DYNC1H1: variants seen among roughly 807,000 people sequenced by gnomAD.
The protein encoded by DYNC1H1 is cytoplasmic dynein 1 heavy chain 1.
In DYNC1H1, 51 loss-of-function variants were observed where a neutral mutation model predicts 527.1. That is an observed-to-expected ratio of 0.10 (90% CI 0.08 to 0.12). DYNC1H1 has a LOEUF of 0.12. DYNC1H1 is among the 10% of genes least tolerant of loss of function. The pLI is 1.00. For missense variants in DYNC1H1, 2,771 were observed against 5,971.8 expected (o/e 0.46, Z 17.66); for synonymous variants, 2,189 against 2,278.8 (o/e 0.96, Z 1.12).
rs780592916 is a variant in DYNC1H1, at chr14:102,004,977, T to G, written c.5238+27T>G. On this transcript the variant is annotated intron_variant, in intron 25 of 77. Coordinates refer to ENST00000360184, the MANE Select transcript of DYNC1H1 (RefSeq NM_001376.5). ...TAATCTATAGTAGAAGTGAGTGGGCTCGTGGTGAAAACGCAGACCAATCTT... is the reference window on the plus strand; with the variant it reads ...TAATCTATAGTAGAAGTGAGTGGGCGCGTGGTGAAAACGCAGACCAATCTT... 11 of 1,614,228 alleles carry G rather than the reference T, an allele frequency of 6.8e-6. No homozygotes were observed. In the South Asian group the frequency reaches 1.2e-4, roughly 18 times the overall value.
intron 42 of DYNC1H1, among the ~76,000 whole-genome samples, chr14:102,022,531 TGTAAGTAA>T (rs779727528): frequency 6.7e-6 from 1 of 149,830 alleles, no homozygotes; most frequent in Non-Finnish European, 1.5e-5. Context: ...AGTGAGACTC[TGTAAGTAA>T]GTAAGTAAAT....
intron 27 of DYNC1H1, 50 bp from the exon 28 acceptor site, chr14:102,006,957 GT>G (rs1342169888): frequency 6.3e-7 from 1 of 1,580,700 alleles, no homozygotes; most frequent in Non-Finnish European, 8.7e-7. Flanking sequence ...CTAAAGATAT[GT>G]TTTCAGTTAG....
intron 73 of DYNC1H1, 73 bp from the exon 74 acceptor site, chr14:102,048,443 T>TA: frequency 6.2e-7 from 1 of 1,603,880 alleles, no homozygotes; most frequent in South Asian, 1.1e-5. Context: ...GAGGCCGAGT[T>TA]ACTTCTGTTT....
chr14:101,980,453 C>G lies in DYNC1H1; in HGVS notation c.864C>G (p.Ile288Met). 6.2e-7 allele frequency: 1 copy of G among 1,614,186 alleles called. No individual in the cohort carries two copies. Among genetic ancestry groups the G allele is most frequent in the Non-Finnish European group, 8.5e-7 (1 of 1,180,042 alleles). The change falls in exon 5 of 78, where the codon ATC (isoleucine) becomes ATG (methionine). Residue 288 changes from isoleucine to methionine, a missense_variant. This residue lies in a region of DYNC1H1 where 146 missense variants were observed against 288.1 expected (regional missense o/e 0.51). Transcript: ENST00000360184. ...ACTTGGAACGTGCGTTATACCGCAT[C>G]CAGGAGAAACGGGAGAGCCCGGAAG... ...WLNLERALYR[I>M]QEKRESPEVL...
chr14:102,047,550 T>C (rs562435916), intron 72 of DYNC1H1: 90 of 223,174 alleles, frequency 4.0e-4, no homozygotes, highest in African/African-American at 7.6e-4. Context: ...AATATATATA[T>C]ACACACACAC....
Position 102,029,458 on chromosome 14 carries a change from T to A in DYNC1H1, c.9469-81T>A. 1.3e-5 allele frequency: 21 copies of A among 1,577,150 alleles called. No individual in the cohort carries two copies. The highest frequency in any genetic ancestry group is 2.3e-5 in the East Asian group (1 of 42,560). ...GGCTCCTTCTATCATGTCACACCCA[T>A]CTGCCAAGGCCAAAATTGTTTTCTG... On this transcript the variant is annotated intron_variant, in intron 48 of 77. Coordinates refer to ENST00000360184, the MANE Select transcript of DYNC1H1 (RefSeq NM_001376.5). This position sits in a 1 kb window ranked among gnomAD's most constrained non-coding sequence, Gnocchi z 5.3.
At chr14:101,996,558 G>T (rs1567003684) in intron 15 of DYNC1H1, among the ~76,000 whole-genome samples, 1 of 152,200 alleles carries the variant, frequency 6.6e-6, no homozygotes, top group South Asian at 2.1e-4. Context: ...CTCAGAGGAT[G>T]TTGCCCTCTG....
In DYNC1H1 at chr14:102,048,583, A is replaced by G. The variant is rs763724110; in HGVS notation, c.13286A>G (p.Gln4429Arg). ...GCAAAGCTGCTTCAGGACGTTCGCCAGGACCTTGCAGATGTCGTCCAGGTG... is the reference window on the plus strand; with the variant it reads ...GCAAAGCTGCTTCAGGACGTTCGCCGGGACCTTGCAGATGTCGTCCAGGTG... Reference protein sequence around the residue: ...MGAKLLQDVRQDLADVVQVCE... With the variant: ...MGAKLLQDVRRDLADVVQVCE... The change falls in exon 74 of 78, where the codon CAG (glutamine) becomes CGG (arginine). Residue 4429 changes from glutamine (Q) to arginine (R), a missense_variant. Around this residue, in one of 32 missense-constraint regions of DYNC1H1, gnomAD observed 170 missense variants for 249.8 expected, o/e 0.68. Transcript: ENST00000360184. 1.2e-5 allele frequency: 19 copies of G among 1,614,146 alleles called. No individual in the cohort carries two copies. The highest frequency in any genetic ancestry group is 1.5e-5 in the Non-Finnish European group (18 of 1,180,060).
At position 102,016,792 on chromosome 14, in the gene DYNC1H1, G is replaced by A. The variant is rs772906918; in HGVS notation, c.7641G>A (p.Pro2547=). ...TGTCCATCAGCGGAGAATGGTCTCC[G>A]TGGCAGGCCAAGGTGCCTCAGATTG... ...YEVSISGEWS[P]WQAKVPQIEV... is the part of the protein sequence containing the mutation. The change falls in exon 38 of 78, where the codon CCG becomes CCA. Residue 2547 remains proline (P), a synonymous_variant. Coordinates refer to ENST00000360184, the MANE Select transcript of DYNC1H1 (RefSeq NM_001376.5). The surrounding 1 kb of genome is among the most constrained non-coding windows in gnomAD (Gnocchi z 7.3). 6.8e-6 allele frequency: 11 copies of A among 1,613,746 alleles called. No individual in the cohort carries two copies. Among genetic ancestry groups the A allele is most frequent in the Admixed American group, 5.0e-5 (3 of 59,992 alleles).
At chr14:101,981,803 A>T (rs1374614682) in intron 5 of DYNC1H1, among the ~76,000 whole-genome samples, 1 of 152,226 alleles carries the variant, frequency 6.6e-6, no homozygotes, top group East Asian at 1.9e-4. Context: ...AAGAAAGTCA[A>T]TAAATAGATT....
chr14:102,029,421 C>A lies in DYNC1H1; in HGVS notation c.9469-118C>A. The stretch of plus-strand genomic sequence containing the variant: ...CTGAGGCCCGACTCGAGTGTTCTGG[C>A]CCCGAGGGCCAGGCTCCTTCTATCA... On this transcript the variant is annotated intron_variant, in intron 48 of 77. Coordinates refer to ENST00000360184, the MANE Select transcript of DYNC1H1 (RefSeq NM_001376.5). This position sits in a 1 kb window ranked among gnomAD's most constrained non-coding sequence, Gnocchi z 5.3. 7.3e-7 allele frequency: 1 copy of A among 1,376,162 alleles called. No homozygotes were observed. The highest frequency in any genetic ancestry group is 1.0e-6 in the Non-Finnish European group (1 of 988,450). The allele number at this position is 1,376,162 out of a possible 1,614,324, so 85.2% of individuals were successfully genotyped here.
At position 102,002,100 on chromosome 14, in the gene DYNC1H1, G is replaced by A. The variant is rs1170768786; in HGVS notation, c.4542+419G>A. ...TACTTGTTTTTTTGTTTGTTTGCTT[G>A]CTTTTTTGTTTTTTTTTTTTCTTTT... On this transcript the variant is annotated intron_variant, in intron 21 of 77. Coordinates refer to ENST00000360184, the MANE Select transcript of DYNC1H1 (RefSeq NM_001376.5). This position sits in a 1 kb window ranked among gnomAD's most constrained non-coding sequence, Gnocchi z 4.4. 6.7e-6 allele frequency among the ~76,000 whole-genome samples: 1 copy of A among 150,308 alleles called. No individual in the cohort carries two copies. The highest frequency in any genetic ancestry group is 1.5e-5 in the Non-Finnish European group (1 of 67,586).
chr14:102,021,859 C>T (rs1027404917), intron 42 of DYNC1H1, among the ~76,000 whole-genome samples: 3 of 151,934 alleles, frequency 2.0e-5, no homozygotes, highest in Non-Finnish European at 4.4e-5. Flanking sequence ...CAGGGTTTCA[C>T]CACATTGGCC....
In DYNC1H1 at chr14:102,041,954, CT is replaced by C; in HGVS notation, c.12103-57del. On this transcript the variant is annotated intron_variant, in intron 65 of 77. Coordinates refer to ENST00000360184, the MANE Select transcript of DYNC1H1 (RefSeq NM_001376.5). The surrounding 1 kb of genome is among the most constrained non-coding windows in gnomAD (Gnocchi z 4.5). ...CCCCTCACTCGGGGCTCTCCTTTCC[CT>C]TGACAGGTACACACTATTTGCTGGC... is the stretch of plus-strand genomic sequence containing the variant. The C allele has an allele frequency of 1.3e-6, 2 of 1,587,670 alleles. No homozygotes were observed. The highest frequency in any genetic ancestry group is 1.7e-6 in the Non-Finnish European group (2 of 1,157,610).
Position 102,005,976 on chromosome 14 carries a change from A to G in DYNC1H1, c.5522A>G (p.Gln1841Arg), listed in dbSNP as rs1247116985. 1 of 1,614,154 alleles carries G rather than the reference A, an allele frequency of 6.2e-7. No homozygotes were observed. The highest frequency in any genetic ancestry group is 8.5e-7 in the Non-Finnish European group (1 of 1,180,054). Residue 1841 changes from glutamine to arginine, a missense_variant, in exon 27 of 78, where the codon CAG (glutamine) becomes CGG (arginine). Physicochemically the swap from Gln to Arg is conservative, Grantham distance 43. Coordinates refer to ENST00000360184, the MANE Select transcript of DYNC1H1 (RefSeq NM_001376.5). The surrounding 1 kb of genome is among the most constrained non-coding windows in gnomAD (Gnocchi z 4.0). ...GCCAAATCTTTTGAATGGCTCAGCC[A>G]GATGCGATTTTACTTTGACCCTAAG... ...DNAKSFEWLS[Q>R]MRFYFDPKQT...
intron 10 of DYNC1H1, among the ~76,000 whole-genome samples, chr14:101,990,400 G>A (rs1555408573): frequency 6.6e-6 from 1 of 152,094 alleles, no homozygotes; most frequent in Non-Finnish European, 1.5e-5. Flanking sequence ...CAATCCCTGG[G>A]CACCAGGGAC....
Position 102,027,409 on chromosome 14 carries a change from C to T in DYNC1H1, c.8913C>T (p.Asp2971=). Reference sequence around the variant, plus strand: ...TCCATAGGAAGTACACAGGGGAAGACTTTGATGAAGATCTACGGACAGTGT... The same window carrying T: ...TCCATAGGAAGTACACAGGGGAAGATTTTGATGAAGATCTACGGACAGTGT... ...IKVHRKYTGE[D]FDEDLRTVLR... is the part of the protein sequence containing the mutation. The change falls in exon 46 of 78, where the codon GAC becomes GAT. Residue 2971 remains aspartate (D), a synonymous_variant. Coordinates refer to ENST00000360184, the MANE Select transcript of DYNC1H1 (RefSeq NM_001376.5). The surrounding 1 kb of genome is among the most constrained non-coding windows in gnomAD (Gnocchi z 7.7). 1.2e-6 allele frequency: 2 copies of T among 1,614,082 alleles called. No individual in the cohort carries two copies. The highest frequency in any genetic ancestry group is 1.7e-6 in the Non-Finnish European group (2 of 1,180,036).
rs757478380 is a variant in DYNC1H1, at chr14:102,001,708, C to A, written c.4542+27C>A. Reference sequence around the variant, plus strand: ...TGCTGTTGCTGGGGAAGCTTTCCCTCCCCACCAGTGGTCTCCCACGCTTTC... The same window carrying A: ...TGCTGTTGCTGGGGAAGCTTTCCCTACCCACCAGTGGTCTCCCACGCTTTC... On this transcript the variant is annotated intron_variant, in intron 21 of 77. Coordinates refer to ENST00000360184, the MANE Select transcript of DYNC1H1 (RefSeq NM_001376.5). The surrounding 1 kb of genome is among the most constrained non-coding windows in gnomAD (Gnocchi z 5.0). The A allele has an allele frequency of 5.8e-5, 93 of 1,613,344 alleles. No homozygotes were observed. Among genetic ancestry groups the A allele is most frequent in the Non-Finnish European group, 7.3e-5 (86 of 1,179,984 alleles).
In DYNC1H1 at chr14:101,999,970, G is replaced by C; in HGVS notation, c.3805-19G>C. 1 of 1,614,110 alleles carries C rather than the reference G, an allele frequency of 6.2e-7. No homozygotes were observed. The highest frequency in any genetic ancestry group is 8.5e-7 in the Non-Finnish European group (1 of 1,180,028). ...CTGAGACATTGTGCTCCAATTCTCT[G>C]TGCTCTGACTGCTTTCAGGGCAACC... On this transcript the variant is annotated intron_variant, in intron 16 of 77. Coordinates refer to ENST00000360184, the MANE Select transcript of DYNC1H1 (RefSeq NM_001376.5).
Sources: gnomAD v4.1 joint callset for allele counts (sites outside exome capture counted in the v4.1 genomes callset) on GRCh38, gnomAD v4.1.1 for gene constraint, gnomAD v4.1.1 regional missense constraint, Gnocchi (gnomAD v3.1) non-coding constraint, MANE v1.5 for transcripts, NCBI Gene and HGNC (gene_info 2026-07-23, HGNC 2026-07-21) for gene names.